The following PALM2AKAP2 variants were observed in gnomAD, a reference collection of about 807,000 sequenced individuals.
The protein encoded by PALM2AKAP2 is PALM2-AKAP2 fusion protein.
PALM2AKAP2 carries 37 observed loss-of-function variants against 71.5 expected under a neutral mutation model. The observed-to-expected ratio is 0.52, with a 90% CI of 0.40 to 0.68. The LOEUF (loss-of-function observed/expected upper bound fraction) is 0.68. Ranked by LOEUF, PALM2AKAP2 falls within the 30% of genes least tolerant of loss-of-function variation. The pLI, the probability that PALM2AKAP2 is intolerant of heterozygous loss-of-function variation, is 0.00. For synonymous variants in PALM2AKAP2, 468 were observed against 478.8 expected (o/e 0.98, Z 0.29); for missense variants, 1,224 against 1,191.8 (o/e 1.03, Z -0.40).
At chr9:109,848,764 A>G (rs796560872) in intron 1 of PALM2AKAP2, among the ~76,000 whole-genome samples, 4 of 143,002 alleles carry the variant, frequency 2.8e-5, no homozygotes, top group African/African-American at 1.1e-4. Flanking sequence ...CAACATGATG[A>G]TACCCCATCT....
intron 1 of PALM2AKAP2, among the ~76,000 whole-genome samples, chr9:109,694,983 AG>A (rs769121275): frequency 1.3e-5 from 2 of 152,150 alleles, no homozygotes; most frequent in Non-Finnish European, 2.9e-5. Context: ...TGGAAAAAAA[AG>A]TATTTTAAAA....
chr9:110,045,457 C>T (rs1466315598), upstream of PALM2AKAP2, among the ~76,000 whole-genome samples: 3 of 152,166 alleles, frequency 2.0e-5, no homozygotes. Flanking sequence ...CCAGTGTTTC[C>T]CAAACTTTCA....
chr9:110,167,069 C>G (rs1179999239), intron 3 of PALM2AKAP2, among the ~76,000 whole-genome samples: 4 of 152,182 alleles, frequency 2.6e-5, no homozygotes, highest in Non-Finnish European at 5.9e-5. Context: ...GGGAACTGCC[C>G]TTTATAAAAC....
chr9:109,704,338 T>G (rs1476290979), intron 1 of PALM2AKAP2, among the ~76,000 whole-genome samples: 1 of 152,204 alleles, frequency 6.6e-6, no homozygotes, highest in Non-Finnish European at 1.5e-5. Context: ...TCTGAATTAC[T>G]TCCCTATGCA....
intron 1 of PALM2AKAP2, among the ~76,000 whole-genome samples, chr9:109,711,649 C>CA (rs1691767729): frequency 6.6e-6 from 1 of 152,212 alleles, no homozygotes; most frequent in Admixed American, 6.5e-5. Flanking sequence ...GGGAGTCCAG[C>CA]AACTAACAGG....
intron 6 of PALM2AKAP2, among the ~76,000 whole-genome samples, chr9:109,961,387 G>A (rs182772051): frequency 6.6e-5 from 10 of 152,296 alleles, no homozygotes; most frequent in African/African-American, 2.2e-4. Flanking sequence ...TAAACACATG[G>A]TATGGGGTAG....
At chr9:109,673,018 T>A (rs970136328) in intron 1 of PALM2AKAP2, among the ~76,000 whole-genome samples, 2 of 152,132 alleles carry the variant, frequency 1.3e-5, no homozygotes, top group African/African-American at 4.8e-5. Flanking sequence ...GCTAGCAGTC[T>A]ATCTATTAAG....
chr9:109,881,876 CTTTTTTTTTT>C (rs565835467), intron 3 of PALM2AKAP2, among the ~76,000 whole-genome samples: 6 of 95,114 alleles, frequency 6.3e-5, no homozygotes, highest in African/African-American at 1.1e-4. Flanking sequence ...CTTATGAGCT[CTTTTTTTTTT>C]TTTTTTTTTT....
chr9:109,962,039 G>A (rs1831860547), intron 6 of PALM2AKAP2, among the ~76,000 whole-genome samples: 1 of 152,204 alleles, frequency 6.6e-6, no homozygotes, highest in Non-Finnish European at 1.5e-5. Context: ...ATGGGAGAGA[G>A]GAGCATGACT....
exon 4 of PALM2AKAP2, chr9:110,171,857 T>C (rs1836864368): frequency 6.6e-6 from 1 of 152,662 alleles, no homozygotes; most frequent in African/African-American, 2.4e-5. Context: ...CCAGAGCTGA[T>C]TAACTACTGA....
chr9:109,916,489 G>A (rs1313087060), intron 3 of PALM2AKAP2, among the ~76,000 whole-genome samples: 1 of 152,224 alleles, frequency 6.6e-6, no homozygotes, highest in Non-Finnish European at 1.5e-5. Context: ...AAGCTGGAGG[G>A]CAGCGCAGGC....
At chr9:109,653,355 G>A (rs747962022) in intron 1 of PALM2AKAP2, among the ~76,000 whole-genome samples, 3 of 152,192 alleles carry the variant, frequency 2.0e-5, no homozygotes, top group African/African-American at 7.2e-5. Flanking sequence ...TTTTAGTCAC[G>A]TTTGCTGAGA....
At chr9:110,073,190 G>A (rs1311053816) in intron 1 of PALM2AKAP2, among the ~76,000 whole-genome samples, 2 of 152,204 alleles carry the variant, frequency 1.3e-5, no homozygotes. Flanking sequence ...TGAAGCCTCT[G>A]TCTGCAAGTC....
intron 3 of PALM2AKAP2, among the ~76,000 whole-genome samples, chr9:109,903,913 T>A (rs1830385367): frequency 6.6e-6 from 1 of 152,214 alleles, no homozygotes; most frequent in African/African-American, 2.4e-5. Context: ...ATAGAATGTA[T>A]TCTCATTCTC....
chr9:109,699,912 A>C (rs1254616128), intron 1 of PALM2AKAP2, among the ~76,000 whole-genome samples: 1 of 151,956 alleles, frequency 6.6e-6, no homozygotes, highest in Non-Finnish European at 1.5e-5. Flanking sequence ...AGTAGCTGGG[A>C]CTACAGGCAT....
At chr9:109,693,685 GT>G (rs1490744865) in intron 1 of PALM2AKAP2, among the ~76,000 whole-genome samples, 1 of 151,716 alleles carries the variant, frequency 6.6e-6, no homozygotes, top group Non-Finnish European at 1.5e-5. Flanking sequence ...AAATTCCTTT[GT>G]GATTATTTTT....
At chr9:109,794,125 C>G (rs1827186395) in intron 1 of PALM2AKAP2, among the ~76,000 whole-genome samples, 2 of 152,126 alleles carry the variant, frequency 1.3e-5, no homozygotes, top group African/African-American at 4.8e-5. Flanking sequence ...TCTCAGACAT[C>G]CTTTTCACTG....
chr9:110,114,655 C>T (rs568869921), intron 1 of PALM2AKAP2, among the ~76,000 whole-genome samples: 3 of 152,296 alleles, frequency 2.0e-5, no homozygotes, highest in South Asian at 4.1e-4. Context: ...CACATATAAA[C>T]AAACGTAGAA....
intron 1 of PALM2AKAP2, among the ~76,000 whole-genome samples, chr9:109,836,406 A>G (rs1326164085): frequency 2.0e-5 from 3 of 152,356 alleles, no homozygotes; most frequent in African/African-American, 7.2e-5. Context: ...GACCAGAGGT[A>G]GATAAAACCA....
Sources: gnomAD v4.1 joint callset for allele counts (sites outside exome capture counted in the v4.1 genomes callset) on GRCh38, gnomAD v4.1.1 for gene constraint, MANE v1.5 for transcripts, NCBI Gene and HGNC (gene_info 2026-07-23, HGNC 2026-07-21) for gene names.